Variants in ENOX2 observed in about 807,000 individuals in gnomAD.
The protein encoded by ENOX2 is ecto-NOX disulfide-thiol exchanger 2, also known as APK1 antigen.
Under a neutral mutation model 45.0 loss-of-function variants are expected in ENOX2, and 36 were observed. That is an observed-to-expected ratio of 0.80 (90% CI 0.61 to 1.06). The LOEUF (loss-of-function observed/expected upper bound fraction) is 1.06. Ranked by LOEUF, ENOX2 falls within the 50% of genes least tolerant of loss-of-function variation. The probability of loss-of-function intolerance (pLI) is 0.00; values close to 1 mark genes in which losing one functional copy is unlikely to be tolerated. For missense variants in ENOX2, 423 were observed against 462.5 expected, an observed-to-expected ratio of 0.91 and a Z score of 0.78; for synonymous variants, 174 against 152.3, an observed-to-expected ratio of 1.14 and a Z score of -1.05.
intron 10 of ENOX2, among the ~76,000 whole-genome samples, chrX:130,638,552 T>C (rs1019260985): frequency 9.0e-6 from 1 of 111,156 alleles, no homozygotes; most frequent in African/African-American, 3.3e-5. Context: ...CAGTCTGGCA[T>C]GTAAGGACCT....
rs891759586 is a variant in ENOX2, at chrX:130,623,463, C to T, written c.*1851G>A. Reference sequence around the variant, plus strand: ...CGTGTGCCATGGTGGTTTTGCTGCACCTCAACCCATCACCTAGGTATTAAA... The same window carrying T: ...CGTGTGCCATGGTGGTTTTGCTGCATCTCAACCCATCACCTAGGTATTAAA... On this transcript the variant is annotated 3_prime_UTR_variant, in exon 15 of 15. Coordinates refer to ENST00000394363, the MANE Select transcript of ENOX2 (RefSeq NM_006375.4). 3.6e-5 allele frequency: 4 copies of T among 110,792 alleles called. No individual in the cohort carries two copies. The highest frequency in any genetic ancestry group is 1.3e-4 in the African/African-American group (4 of 30,351). 9.1% of individuals were successfully genotyped at this position (110,792 alleles called of 1,213,427 possible).
At chrX:130,829,989 A>G (rs2077790729) in intron 2 of ENOX2, among the ~76,000 whole-genome samples, 1 of 112,018 alleles carries the variant, frequency 8.9e-6, no homozygotes, top group African/African-American at 3.2e-5. Flanking sequence ...TATGTTCCTA[A>G]TGAGAAAAGA....
intron 2 of ENOX2, among the ~76,000 whole-genome samples, chrX:130,888,104 A>C (rs1351862112): frequency 8.9e-6 from 1 of 111,841 alleles, no homozygotes; most frequent in Non-Finnish European, 1.9e-5. Flanking sequence ...ACCTATAATC[A>C]GTGGATCACA....
intron 4 of ENOX2, among the ~76,000 whole-genome samples, chrX:130,697,399 T>C (rs1233312246): frequency 8.9e-6 from 1 of 112,492 alleles, no homozygotes; most frequent in Non-Finnish European, 1.9e-5. Flanking sequence ...CCACTGCAAC[T>C]TGAGCTTGAA....
intron 3 of ENOX2, among the ~76,000 whole-genome samples, chrX:130,768,742 C>T (rs1163478130): frequency 1.8e-5 from 2 of 111,792 alleles, no homozygotes; most frequent in East Asian, 2.8e-4. Context: ...AAAAATAACT[C>T]GGGGGCTATC....
intron 3 of ENOX2, among the ~76,000 whole-genome samples, chrX:130,719,429 G>C: frequency 9.4e-6 from 1 of 106,571 alleles, no homozygotes; most frequent in East Asian, 2.9e-4. Flanking sequence ...CCAGCTTGAG[G>C]CTGGACAGCC....
intron 2 of ENOX2, among the ~76,000 whole-genome samples, chrX:130,815,392 C>G (rs892265679): frequency 1.8e-5 from 2 of 111,631 alleles, no homozygotes; most frequent in African/African-American, 6.5e-5. Flanking sequence ...TCAGGAAATA[C>G]AGAGAACACC....
At chrX:130,727,100 AC>A (rs2038625330) in intron 3 of ENOX2, among the ~76,000 whole-genome samples, 1 of 112,643 alleles carries the variant, frequency 8.9e-6, no homozygotes, top group Non-Finnish European at 1.9e-5. Context: ...AGTATATAGC[AC>A]AATGCCTAAT....
chrX:130,840,677 A>G (rs1390345915), intron 2 of ENOX2, among the ~76,000 whole-genome samples: 1 of 110,656 alleles, frequency 9.0e-6, no homozygotes, highest in Non-Finnish European at 1.9e-5. Flanking sequence ...GACCAGCCTG[A>G]GCAATATGGT....
chrX:130,900,821 C>T (rs1219946545), intron 2 of ENOX2, among the ~76,000 whole-genome samples: 1 of 112,100 alleles, frequency 8.9e-6, no homozygotes, highest in African/African-American at 3.3e-5. Context: ...ACTACAGTAT[C>T]TCAGAACTGT....
Position 130,803,090 on chromosome X carries a change from A to C in ENOX2, c.-182-19400T>G, listed in dbSNP as rs778849722. On this transcript the variant is annotated intron_variant, in intron 2 of 14. Transcript: ENST00000394363. ...AAATGTAAGAATATGGGCTTTATGCATATTTGGTGCAAAATATTTGTTGGA... is the reference window on the plus strand; with the variant it reads ...AAATGTAAGAATATGGGCTTTATGCCTATTTGGTGCAAAATATTTGTTGGA... Among the ~76,000 whole-genome samples, 28 of 112,104 alleles carry C rather than the reference A, an allele frequency of 2.5e-4. 1 individual carries two copies. Among genetic ancestry groups the C allele is most frequent in the African/African-American group, 9.0e-4 (28 of 30,989 alleles).
intron 2 of ENOX2, among the ~76,000 whole-genome samples, chrX:130,841,870 A>G (rs1328334734): frequency 8.9e-6 from 1 of 112,201 alleles, no homozygotes; most frequent in African/African-American, 3.2e-5. Flanking sequence ...CTTCTCCTCA[A>G]TTAAACAGTT....
At position 130,635,030 on chromosome X, in the gene ENOX2, T is replaced by C; in HGVS notation, c.1373A>G (p.Asp458Gly). 8.3e-7 allele frequency: 1 copy of C among 1,200,268 alleles called. No individual in the cohort carries two copies. The highest frequency in any genetic ancestry group is 1.1e-6 in the Non-Finnish European group (1 of 886,022). The change falls in exon 12 of 15, where the codon GAT becomes GGT. Residue 458 changes from aspartate (D) to glycine (G), a missense_variant. By Grantham distance (94) the Asp-to-Gly change is moderately conservative (BLOSUM62 -1). Coordinates refer to ENST00000394363, the MANE Select transcript of ENOX2 (RefSeq NM_006375.4). ...CATTTTTTCCACCTGTAACTTGTCA[T>C]CTTTGAGTTTTTCAAGTTCAGCTTC... The part of the protein sequence containing the change: ...KKEAELEKLK[D>G]DKLQVEKMLE...
chrX:130,758,572 A>G (rs1378927385), intron 3 of ENOX2, among the ~76,000 whole-genome samples: 1 of 112,650 alleles, frequency 8.9e-6, no homozygotes. Context: ...AAAAAGCTAT[A>G]AACATTCATG....
chrX:130,779,843 C>T (rs2039932993), intron 3 of ENOX2, among the ~76,000 whole-genome samples: 1 of 111,131 alleles, frequency 9.0e-6, no homozygotes, highest in Non-Finnish European at 1.9e-5. Flanking sequence ...TATATATATA[C>T]ACAAACTCAT....
At chrX:130,800,343 A>C (rs1466467882) in intron 2 of ENOX2, among the ~76,000 whole-genome samples, 2 of 86,602 alleles carry the variant, frequency 2.3e-5, no homozygotes, top group Non-Finnish European at 4.2e-5. Flanking sequence ...ATGAGTAGTC[A>C]AAAAAAAAAA....
chrX:130,830,109 T>C (rs773648246), intron 2 of ENOX2, among the ~76,000 whole-genome samples: 1 of 111,329 alleles, frequency 9.0e-6, no homozygotes, highest in South Asian at 3.8e-4. Flanking sequence ...CATTCTATTA[T>C]ATCATATTAT....
chrX:130,650,732 G>T (rs777028476), intron 10 of ENOX2, among the ~76,000 whole-genome samples: 9 of 111,740 alleles, frequency 8.1e-5, no homozygotes, highest in Non-Finnish European at 1.7e-4. Flanking sequence ...TTGTTCCTCA[G>T]ATCTGAAGGC....
In ENOX2 at chrX:130,781,955, T is replaced by C. The variant is rs776453583; in HGVS notation, c.-39+1592A>G. ...ACCACCGCAGCGTAGAACAATTTAG[T>C]GTAGAGGTAAAAAACCTATACTTTT... On this transcript the variant is annotated intron_variant, in intron 3 of 14. Transcript: ENST00000394363. Among the ~76,000 whole-genome samples the C allele has an allele frequency of 3.6e-5, 4 of 111,611 alleles. 1 individual carries two copies. The South Asian group carries it at 1.5e-3, about 42-fold the overall frequency.
Sources: gnomAD v4.1 joint callset for allele counts (sites outside exome capture counted in the v4.1 genomes callset) on GRCh38, gnomAD v4.1.1 for gene constraint, MANE v1.5 for transcripts, NCBI Gene and HGNC (gene_info 2026-07-23, HGNC 2026-07-21) for gene names.